HTRA1: variants seen among roughly 807,000 people sequenced by gnomAD.
HTRA1 encodes serine protease HTRA1.
A neutral mutation model predicts 49.7 loss-of-function variants in HTRA1; 26 were observed. That is an observed-to-expected ratio of 0.52 (90% CI 0.38 to 0.73). The LOEUF is 0.73. HTRA1 is among the 30% of genes least tolerant of loss of function. HTRA1 has a pLI of 0.00. For missense variants in HTRA1, 561 were observed against 667.2 expected (o/e 0.84, Z 1.75); for synonymous variants, 291 against 286.9 (o/e 1.01, Z -0.14).
intron 3 of HTRA1, among the ~76,000 whole-genome samples, chr10:122,495,663 C>G (rs1009432901): frequency 1.3e-5 from 2 of 152,138 alleles, no homozygotes; most frequent in African/African-American, 4.8e-5. Context: ...TATGGTAATG[C>G]CTTTTTTCAC....
At chr10:122,503,473 T>C (rs558211794) in intron 3 of HTRA1, among the ~76,000 whole-genome samples, 4 of 152,288 alleles carry the variant, frequency 2.6e-5, no homozygotes, top group Admixed American at 6.5e-5. Context: ...AAAGGCAGCT[T>C]GACCTCATGG....
At position 122,464,266 on chromosome 10, in the gene HTRA1, C is replaced by T. The variant is rs979346044; in HGVS notation, c.472+2142C>T. ...ATTGCTAGTGAGGCAAGTTGCTTAA[C>T]AAGTTTTGGAGTTGGCTGAGTCCCT... On this transcript the variant is annotated intron_variant, in intron 1 of 8. Transcript: ENST00000368984. This position sits in a 1 kb window ranked among gnomAD's most constrained non-coding sequence, Gnocchi z 4.8. 6.6e-6 allele frequency among the ~76,000 whole-genome samples: 1 copy of T among 152,140 alleles called. No homozygotes were observed. Among genetic ancestry groups the T allele is most frequent in the Non-Finnish European group, 1.5e-5 (1 of 68,034 alleles).
intron 7 of HTRA1, 94 bp downstream of exon 7, chr10:122,510,247 C>A: frequency 1.0e-6 from 1 of 984,202 alleles, no homozygotes; most frequent in Non-Finnish European, 1.6e-6. Flanking sequence ...AAACCTTATG[C>A]TGCCTTAAGA....
intron 1 of HTRA1, among the ~76,000 whole-genome samples, chr10:122,475,602 A>G (rs1445599056): frequency 6.6e-6 from 1 of 152,232 alleles, no homozygotes; most frequent in Non-Finnish European, 1.5e-5. Flanking sequence ...CTTTCCTTAG[A>G]TTTGCAGACA....
At chr10:122,482,482 C>G (rs957691855) in intron 1 of HTRA1, among the ~76,000 whole-genome samples, 2 of 152,040 alleles carry the variant, frequency 1.3e-5, no homozygotes, top group Admixed American at 1.3e-4. Context: ...TTCTGTGGCA[C>G]TCTGGGGTCC....
intron 8 of HTRA1, among the ~76,000 whole-genome samples, chr10:122,513,464 C>G (rs932468346): frequency 2.0e-5 from 3 of 151,910 alleles, no homozygotes; most frequent in Non-Finnish European, 4.4e-5. Context: ...TGTTAGTAGG[C>G]ATTTCTACAG....
chr10:122,474,354 C>T (rs2097487490), intron 1 of HTRA1, among the ~76,000 whole-genome samples: 1 of 152,110 alleles, frequency 6.6e-6, no homozygotes, highest in African/African-American at 2.4e-5. Context: ...TCACAAGTTC[C>T]CCTCGCATGG....
chr10:122,514,014 C>T (rs1429018566), intron 8 of HTRA1, among the ~76,000 whole-genome samples, 177 bp from the exon 9 acceptor site: 2 of 151,720 alleles, frequency 1.3e-5, no homozygotes, highest in African/African-American at 4.8e-5. Context: ...GCTGGGATTA[C>T]AGGCATGAGC....
chr10:122,491,530 C>T (rs542990913), intron 3 of HTRA1, among the ~76,000 whole-genome samples: 8 of 152,348 alleles, frequency 5.3e-5, no homozygotes, highest in African/African-American at 1.7e-4. Flanking sequence ...CTGGCCTGGA[C>T]GCCGCCCCCA....
intron 1 of HTRA1, among the ~76,000 whole-genome samples, chr10:122,479,788 A>AGATGGC (rs202106191): frequency 1.1e-4 from 16 of 151,542 alleles, no homozygotes; most frequent in Non-Finnish European, 2.1e-4. Flanking sequence ...GGGCCCGAGG[A>AGATGGC]GATGGCGATG....
chr10:122,503,735 G>A (rs1312785664), intron 3 of HTRA1, among the ~76,000 whole-genome samples: 3 of 152,132 alleles, frequency 2.0e-5, no homozygotes, highest in Non-Finnish European at 4.4e-5. Flanking sequence ...CCAGGCAAAA[G>A]CTTATTCCTT....
chr10:122,461,625 C>T lies in HTRA1; in HGVS notation c.-28C>T. On this transcript the variant is annotated 5_prime_UTR_variant, in exon 1 of 9. Transcript: ENST00000368984. ...GCTCTCCGGCCCTCGCCCTGTCCGC[C>T]GCCACCGCCGCCGCCGCCAGAGTCG... The T allele has an allele frequency of 1.6e-6, 2 of 1,277,316 alleles. No individual in the cohort carries two copies. Among genetic ancestry groups the T allele is most frequent in the Non-Finnish European group, 2.0e-6 (2 of 987,520 alleles). 79.1% of individuals were successfully genotyped at this position (1,277,316 alleles called of 1,614,324 possible). A position where few individuals can be genotyped will look rare whatever the true frequency, so the allele number is the denominator to read the frequency against.
Position 122,514,567 on chromosome 10 carries a change from C to T in HTRA1, c.*208C>T, listed in dbSNP as rs1369555586. On this transcript the variant is annotated 3_prime_UTR_variant, in exon 9 of 9. Coordinates refer to ENST00000368984, the MANE Select transcript of HTRA1 (RefSeq NM_002775.5). Reference sequence around the variant, plus strand: ...GCAGATCCGCAGGCAGAAGCTCTGCCCTTCTGTATCCTATGTATGCAGTGT... The same window carrying T: ...GCAGATCCGCAGGCAGAAGCTCTGCTCTTCTGTATCCTATGTATGCAGTGT... The T allele has an allele frequency of 8.4e-6, 5 of 595,320 alleles. No homozygotes were observed. Among genetic ancestry groups the T allele is most frequent in the Middle Eastern group, 4.5e-4 (1 of 2,200 alleles). The allele number at this position is 595,320 out of a possible 1,614,324, so 36.9% of individuals were successfully genotyped here. A position where few individuals can be genotyped will look rare whatever the true frequency, so the allele number is the denominator to read the frequency against.
In HTRA1 at chr10:122,488,903, G is replaced by T. The variant is rs1466642579; in HGVS notation, c.474G>T (p.Gly158=). The part of the protein sequence containing the change: ...IVLQRGACGQ[G]QEDPNSLRHK... ...TCTATTCTTTGCTTTTGTTCTCAGG[G>T]CAGGAAGATCCCAACAGTTTGCGCC... The change falls in exon 2 of 9, where the codon GGG becomes GGT. Residue 158 remains glycine, a splice_region_variant and synonymous_variant. Transcript: ENST00000368984. 1.2e-6 allele frequency: 2 copies of T among 1,613,192 alleles called. No homozygotes were observed. The highest frequency in any genetic ancestry group is 1.7e-5 in the Admixed American group (1 of 60,024).
chr10:122,478,358 C>G (rs2097489527), intron 1 of HTRA1, among the ~76,000 whole-genome samples: 1 of 150,958 alleles, frequency 6.6e-6, no homozygotes, highest in Non-Finnish European at 1.5e-5. Flanking sequence ...GTATCAGCCC[C>G]CGCAGACTGC....
chr10:122,512,244 G>A (rs1255733374), intron 8 of HTRA1, among the ~76,000 whole-genome samples, 179 bp downstream of exon 8: 2 of 152,146 alleles, frequency 1.3e-5, no homozygotes, highest in Non-Finnish European at 2.9e-5. Flanking sequence ...CTCGGCTCGG[G>A]ACTCATCCAT....
chr10:122,502,367 G>A (rs1381148519), intron 3 of HTRA1, among the ~76,000 whole-genome samples: 1 of 152,128 alleles, frequency 6.6e-6, no homozygotes. Context: ...GCTGTGGGCC[G>A]CCTCTTCCAA....
chr10:122,491,405 C>T (rs1250208557), intron 3 of HTRA1, among the ~76,000 whole-genome samples: 1 of 152,174 alleles, frequency 6.6e-6, no homozygotes, highest in Non-Finnish European at 1.5e-5. Flanking sequence ...GGTAGTCTCA[C>T]CGGAAGGAGC....
intron 1 of HTRA1, among the ~76,000 whole-genome samples, chr10:122,475,028 C>CT (rs1423735268): frequency 2.6e-5 from 4 of 152,228 alleles, no homozygotes; most frequent in Non-Finnish European, 5.9e-5. Context: ...CTAGGCTGTG[C>CT]TTGTGACTGA....
Sources: gnomAD v4.1 joint callset for allele counts (sites outside exome capture counted in the v4.1 genomes callset) on GRCh38, gnomAD v4.1.1 for gene constraint, Gnocchi (gnomAD v3.1) non-coding constraint, MANE v1.5 for transcripts, NCBI Gene and HGNC (gene_info 2026-07-23, HGNC 2026-07-21) for gene names.